The following EBF1 variants were observed in gnomAD, a reference collection of about 807,000 sequenced individuals.
EBF1 encodes the protein transcription factor COE1.
In EBF1, 10 loss-of-function variants were observed where a neutral mutation model predicts 68.4. That is an observed-to-expected ratio of 0.15 (90% confidence interval 0.09 to 0.25). The LOEUF (loss-of-function observed/expected upper bound fraction) is 0.25. Among genes scored for constraint, EBF1 ranks in the 10% least tolerant of loss-of-function variants. The pLI, the probability that EBF1 is intolerant of heterozygous loss-of-function variation, is 1.00. For missense variants in EBF1, 509 were observed against 794.4 expected (o/e 0.64, Z 4.32); for synonymous variants, 298 against 299.8 (o/e 0.99, Z 0.06).
intron 6 of EBF1, among the ~76,000 whole-genome samples, chr5:158,997,476 T>C (rs1435511184): frequency 2.0e-5 from 3 of 152,158 alleles, no homozygotes. Flanking sequence ...ACTCCTCAAT[T>C]CCCCAAAATC....
intron 10 of EBF1, among the ~76,000 whole-genome samples, chr5:158,769,727 CA>C (rs370939996): frequency 0.012 from 1,748 of 143,526 alleles, 10 homozygotes; most frequent in Non-Finnish European, 0.02. Flanking sequence ...TGTTGTGGAA[CA>C]AAAAAAAAAG....
At chr5:158,768,000 T>C (rs1773110967) in intron 10 of EBF1, among the ~76,000 whole-genome samples, 2 of 152,152 alleles carry the variant, frequency 1.3e-5, no homozygotes. Flanking sequence ...ATGGAATTCA[T>C]TTACCTTGGA....
At chr5:158,928,844 A>G (rs999720443) in intron 6 of EBF1, among the ~76,000 whole-genome samples, 13 of 152,226 alleles carry the variant, frequency 8.5e-5, no homozygotes, top group African/African-American at 3.1e-4. Flanking sequence ...TATATCTGCA[A>G]ATGATCTCAC....
chr5:158,720,552 T>C (rs1761723112), intron 11 of EBF1, among the ~76,000 whole-genome samples: 1 of 152,142 alleles, frequency 6.6e-6, no homozygotes, highest in Non-Finnish European at 1.5e-5. Context: ...CCGTTTAGTT[T>C]CCCATCCTCT....
chr5:158,923,788 A>G (rs987006200), intron 6 of EBF1, among the ~76,000 whole-genome samples: 1 of 152,174 alleles, frequency 6.6e-6, no homozygotes, highest in African/African-American at 2.4e-5. Flanking sequence ...CCAAGTCTCA[A>G]TGATTCTGAA....
At position 158,847,880 on chromosome 5, in the gene EBF1, A is replaced by G. The variant is rs73300019; in HGVS notation, c.555-7770T>C. 9.0e-3 allele frequency among the ~76,000 whole-genome samples: 1,378 copies of G among 152,326 alleles called. 18 individuals carry two copies. Among genetic ancestry groups the G allele is most frequent in the African/African-American group, 0.031 (1,308 of 41,574 alleles). On this transcript the variant is annotated intron_variant, in intron 6 of 15. Transcript: ENST00000313708. ...CAAGGGACAGGTTTTGAGCAAAGGT[A>G]TCAGGACTTGCACTTCTGGATTACT...
intron 6 of EBF1, among the ~76,000 whole-genome samples, chr5:158,886,400 C>T (rs1214996427): frequency 1.3e-5 from 2 of 152,232 alleles, no homozygotes; most frequent in Non-Finnish European, 2.9e-5. Context: ...GATAGATAGG[C>T]ATTTGCTCTG....
In EBF1 at chr5:158,737,718, C is replaced by T. The variant is rs534015972; in HGVS notation, c.1037-6561G>A. The stretch of plus-strand genomic sequence containing the variant: ...AGGTATTAGGTGCCTTGAGTGGTTA[C>T]GTCCTTTTTACAAAGAGTGCAGCCA... On this transcript the variant is annotated intron_variant, in intron 10 of 15. Coordinates refer to ENST00000313708, the MANE Select transcript of EBF1 (RefSeq NM_024007.5). Among the ~76,000 whole-genome samples the T allele has an allele frequency of 1.6e-4, 25 of 152,202 alleles. No individual in the cohort carries two copies. The East Asian group carries it at 3.5e-3, about 21-fold the overall frequency.
intron 6 of EBF1, among the ~76,000 whole-genome samples, chr5:159,014,940 G>A (rs979088063): frequency 2.0e-5 from 3 of 152,136 alleles, no homozygotes; most frequent in African/African-American, 7.2e-5. Context: ...GGAGGGCTTT[G>A]GGGGAAAGAG....
At chr5:158,767,029 T>C (rs1772845071) in intron 10 of EBF1, among the ~76,000 whole-genome samples, 1 of 152,178 alleles carries the variant, frequency 6.6e-6, no homozygotes, top group Non-Finnish European at 1.5e-5. Context: ...TTATTGTTAA[T>C]AGCTTTCTAA....
At chr5:158,993,149 C>T (rs1377758794) in intron 6 of EBF1, among the ~76,000 whole-genome samples, 2 of 151,360 alleles carry the variant, frequency 1.3e-5, no homozygotes, top group African/African-American at 2.4e-5. Context: ...TGGGCTCAAG[C>T]GATTCTCCTG....
intron 8 of EBF1, among the ~76,000 whole-genome samples, chr5:158,802,420 G>A (rs1271996409): frequency 6.6e-6 from 1 of 152,010 alleles, no homozygotes; most frequent in Non-Finnish European, 1.5e-5. Flanking sequence ...AAATCTCAAG[G>A]TGATATAAGG....
At chr5:159,026,094 A>G (rs536127303) in intron 6 of EBF1, among the ~76,000 whole-genome samples, 1 of 152,274 alleles carries the variant, frequency 6.6e-6, no homozygotes, top group East Asian at 1.9e-4. Flanking sequence ...GATTAACTCT[A>G]ATAAATTCAG....
intron 4 of EBF1, among the ~76,000 whole-genome samples, chr5:159,087,313 CATATATATACACAT>C (rs1277942344): frequency 7.0e-6 from 1 of 143,606 alleles, no homozygotes; most frequent in Non-Finnish European, 1.5e-5. Context: ...TACACACACA[CATATATATACACAT>C]ATATATATAC....
At chr5:158,968,700 A>T (rs1754686749) in intron 6 of EBF1, among the ~76,000 whole-genome samples, 2 of 152,368 alleles carry the variant, frequency 1.3e-5, no homozygotes. Flanking sequence ...GTAAACATCA[A>T]AGGACTTATG....
At position 158,746,151 on chromosome 5, in the gene EBF1, C is replaced by T. The variant is rs185219009; in HGVS notation, c.1037-14994G>A. Among the ~76,000 whole-genome samples, 291 of 152,286 alleles carry T rather than the reference C, an allele frequency of 1.9e-3. 1 individual carries two copies. The highest frequency in any genetic ancestry group is 0.014 in the South Asian group (68 of 4,814). On this transcript the variant is annotated intron_variant, in intron 10 of 15. Coordinates refer to ENST00000313708, the MANE Select transcript of EBF1 (RefSeq NM_024007.5). ...CTGCAAATGGTTCTCCTAAGGTACA[C>T]GCATCATTAGAAGACTTTATGACAG...
chr5:159,023,376 C>T (rs374730989), intron 6 of EBF1, among the ~76,000 whole-genome samples: 13 of 152,280 alleles, frequency 8.5e-5, no homozygotes, highest in East Asian at 1.9e-4. Flanking sequence ...AACCAAGCAA[C>T]GCCTTTTGAC....
At chr5:159,073,846 C>T (rs780264871) in intron 5 of EBF1, 4 of 184,632 alleles carry the variant, frequency 2.2e-5, no homozygotes, top group African/African-American at 4.7e-5. Context: ...CAAGATCACA[C>T]TAATTGTGTG....
At chr5:158,886,866 G>C (rs1440934410) in intron 6 of EBF1, among the ~76,000 whole-genome samples, 1 of 152,174 alleles carries the variant, frequency 6.6e-6, no homozygotes, top group Non-Finnish European at 1.5e-5. Flanking sequence ...GTTGGGTGTG[G>C]CGGCGGGCAC....
Sources: gnomAD v4.1 joint callset for allele counts (sites outside exome capture counted in the v4.1 genomes callset) on GRCh38, gnomAD v4.1.1 for gene constraint, MANE v1.5 for transcripts, NCBI Gene and HGNC (gene_info 2026-07-23, HGNC 2026-07-21) for gene names.